APP: variants seen among roughly 807,000 people sequenced by gnomAD.
The protein encoded by APP is amyloid-beta precursor protein.
Under a neutral mutation model 101.4 loss-of-function variants are expected in APP, and 31 were observed. The observed-to-expected ratio is 0.31, with a 90% CI of 0.23 to 0.41. The LOEUF is 0.41. Ranked by LOEUF, APP falls within the 10% of genes least tolerant of loss-of-function variation. The pLI, the probability that APP is intolerant of heterozygous loss-of-function variation, is 1.00. For synonymous variants in APP, 366 were observed against 364.4 expected (o/e 1.00, Z -0.05); for missense variants, 839 against 1,003.7 (o/e 0.84, Z 2.22).
chr21:26,170,866 C>G, upstream of APP: 1 of 409,368 alleles, frequency 2.4e-6, no homozygotes, highest in Non-Finnish European at 4.3e-6. Flanking sequence ...GCGGCGCCGC[C>G]GGGGAACTGC....
chr21:25,902,710 C>A (rs1033202610), intron 15 of APP, among the ~76,000 whole-genome samples: 1 of 152,246 alleles, frequency 6.6e-6, no homozygotes, highest in African/African-American at 2.4e-5. Context: ...GGTTAGTACT[C>A]CATCTCCTCC....
intron 3 of APP, among the ~76,000 whole-genome samples, chr21:26,063,210 G>A (rs751541426): frequency 3.9e-5 from 6 of 152,124 alleles, no homozygotes; most frequent in Non-Finnish European, 5.9e-5. Flanking sequence ...GGAAACATCC[G>A]GATGAACTTG....
intron 13 of APP, chr21:25,942,058 A>G (rs1783021): frequency 6.6e-6 from 1 of 152,188 alleles, no homozygotes; most frequent in Non-Finnish European, 1.5e-5. Flanking sequence ...TAATATAAAA[A>G]TCCTGCAACA....
intron 8 of APP, among the ~76,000 whole-genome samples, chr21:25,994,244 C>T (rs1160770443): frequency 2.6e-5 from 4 of 152,118 alleles, no homozygotes; most frequent in Non-Finnish European, 5.9e-5. Context: ...ACCTTTTGCA[C>T]TGTCCTAAAC....
At chr21:26,040,568 C>T (rs1345388615) in intron 5 of APP, among the ~76,000 whole-genome samples, 1 of 150,296 alleles carries the variant, frequency 6.7e-6, no homozygotes, top group Non-Finnish European at 1.5e-5. Flanking sequence ...CACCACTGCA[C>T]TCCAGCCTGG....
At chr21:26,041,131 G>A (rs970009601) in intron 5 of APP, among the ~76,000 whole-genome samples, 1 of 152,166 alleles carries the variant, frequency 6.6e-6, no homozygotes, top group Non-Finnish European at 1.5e-5. Flanking sequence ...TTATAATTTT[G>A]CTGAGTTCCT....
intron 13 of APP, among the ~76,000 whole-genome samples, chr21:25,922,909 C>T (rs1397102733): frequency 7.6e-6 from 1 of 132,172 alleles, no homozygotes; most frequent in East Asian, 2.1e-4. Context: ...CAAAAAAGAG[C>T]CCGCATCGCC....
intron 1 of APP, among the ~76,000 whole-genome samples, chr21:26,168,006 A>G (rs570533380): frequency 6.6e-6 from 1 of 152,324 alleles, no homozygotes; most frequent in East Asian, 1.9e-4. Context: ...TCCATAAACT[A>G]TAAATTAGCA....
At chr21:26,004,351 C>T (rs932039074) in intron 6 of APP, among the ~76,000 whole-genome samples, 3 of 146,064 alleles carry the variant, frequency 2.1e-5, no homozygotes, top group African/African-American at 7.7e-5. Context: ...GGCACTATCT[C>T]CACTCACTGC....
chr21:26,130,215 A>C (rs928952158), intron 1 of APP, among the ~76,000 whole-genome samples: 6 of 152,258 alleles, frequency 3.9e-5, no homozygotes, highest in Non-Finnish European at 5.9e-5. Context: ...TGTGATGTTT[A>C]AGATACAACA....
At chr21:26,062,113 G>A (rs2046287620) in intron 3 of APP, among the ~76,000 whole-genome samples, 1 of 152,012 alleles carries the variant, frequency 6.6e-6, no homozygotes, top group Non-Finnish European at 1.5e-5. Context: ...GGGAGGCTGA[G>A]GCCGAAGAAT....
chr21:26,136,128 C>T (rs1331837664), intron 1 of APP, among the ~76,000 whole-genome samples: 1 of 64,278 alleles, frequency 1.6e-5, no homozygotes, highest in African/African-American at 1.5e-4. Context: ...GAGACTCTGT[C>T]TCAAAAAAGA....
At chr21:25,891,618 T>G (rs574315379) in intron 17 of APP, 104 bp downstream of exon 17, 49 of 1,154,934 alleles carry the variant, frequency 4.2e-5, no homozygotes, top group Non-Finnish European at 5.5e-5. Flanking sequence ...GCACACTGAT[T>G]CGTTTTTTAA....
At chr21:25,946,243 T>C (rs956081023) in intron 13 of APP, among the ~76,000 whole-genome samples, 1 of 152,174 alleles carries the variant, frequency 6.6e-6, no homozygotes, top group African/African-American at 2.4e-5. Context: ...AATTGAAAAT[T>C]TTTGTGTGTC....
chr21:26,010,424 TTTTG>T (rs1443249364), intron 6 of APP, among the ~76,000 whole-genome samples: 3 of 152,206 alleles, frequency 2.0e-5, no homozygotes, highest in Admixed American at 6.5e-5. Flanking sequence ...TTTGGCATAT[TTTTG>T]TTTATTTTAC....
chr21:26,022,162 TCAG>T (rs2146781419), intron 5 of APP, 120 bp from the exon 6 acceptor site: 2 of 1,171,768 alleles, frequency 1.7e-6, no homozygotes, highest in Non-Finnish European at 2.5e-6. Flanking sequence ...AAACTTCAAT[TCAG>T]CAGGTCTAAG....
chr21:26,116,666 C>A (rs978719371), intron 1 of APP, among the ~76,000 whole-genome samples: 1 of 152,140 alleles, frequency 6.6e-6, no homozygotes, highest in African/African-American at 2.4e-5. Context: ...CTCTGTTTTG[C>A]TAGCTGAGAG....
At chr21:25,935,783 T>C (rs1416351422) in intron 13 of APP, among the ~76,000 whole-genome samples, 2 of 137,178 alleles carry the variant, frequency 1.5e-5, no homozygotes, top group Admixed American at 1.8e-4. Context: ...GAGGCTGTAG[T>C]GAGCCGAGAT....
rs200601478 is a variant in APP, at chr21:25,975,094, G to A, written c.1434C>T (p.Thr478=). The A allele has an allele frequency of 2.2e-5, 36 of 1,613,980 alleles. No individual in the cohort carries two copies. Among genetic ancestry groups the A allele is most frequent in the Non-Finnish European group, 2.9e-5 (34 of 1,180,022 alleles). The change falls in exon 11 of 18, where the codon ACC becomes ACT. Residue 478 remains threonine (T), a synonymous_variant. Transcript: ENST00000346798. ...CCCGAGGAGGAACAGCCTGCAGAGC[G>A]GTGATGTAGTTCTCCAGGGCCAGGC... ...RRRLALENYI[T]ALQAVPPRPR...
Sources: gnomAD v4.1 joint callset for allele counts (sites outside exome capture counted in the v4.1 genomes callset) on GRCh38, gnomAD v4.1.1 for gene constraint, MANE v1.5 for transcripts, NCBI Gene and HGNC (gene_info 2026-07-23, HGNC 2026-07-21) for gene names.